The following KCNH1 variants were observed in gnomAD, a reference collection of about 807,000 sequenced individuals.
The protein encoded by KCNH1 is voltage-gated delayed rectifier potassium channel KCNH1.
In KCNH1, 27 loss-of-function variants were observed where a neutral mutation model predicts 69.2. The ratio of observed to expected loss-of-function variants is 0.39; its 90% CI spans 0.29 to 0.54. KCNH1 has a LOEUF of 0.54. Among genes scored for constraint, KCNH1 ranks in the 20% least tolerant of loss-of-function variants. The pLI is 0.68. For synonymous variants in KCNH1, 456 were observed against 487.7 expected, an observed-to-expected ratio of 0.93 and a Z score of 0.86; for missense variants, 798 against 1,261.6, an observed-to-expected ratio of 0.63 and a Z score of 5.57.
intron 1 of KCNH1, among the ~76,000 whole-genome samples, chr1:211,130,422 C>T (rs1047149333): frequency 1.3e-5 from 2 of 152,066 alleles, no homozygotes; most frequent in South Asian, 2.1e-4. Context: ...CAGTCGCAGC[C>T]GGTCAACACT....
chr1:210,800,482 G>T (rs972818439), intron 8 of KCNH1, among the ~76,000 whole-genome samples: 1 of 152,166 alleles, frequency 6.6e-6, no homozygotes, highest in African/African-American at 2.4e-5. Flanking sequence ...TGAGGCCTTG[G>T]CATGGAGACA....
chr1:210,778,521 ACT>A (rs1234173944), intron 9 of KCNH1, among the ~76,000 whole-genome samples: 2 of 117,330 alleles, frequency 1.7e-5, no homozygotes, highest in Non-Finnish European at 3.6e-5. Flanking sequence ...ACAGAGCAAG[ACT>A]CTGTCTCAAA....
In KCNH1 at chr1:211,107,159, G is replaced by T. The variant is rs900024266; in HGVS notation, c.203+95C>A. 26 of 1,364,160 alleles carry T rather than the reference G, an allele frequency of 1.9e-5. 1 individual carries two copies. The Admixed American group carries it at 2.7e-4, about 14-fold the overall frequency. The allele number at this position is 1,364,160 out of a possible 1,614,324, so 84.5% of individuals were successfully genotyped here. Reference sequence around the variant, plus strand: ...ATTTTCCTGTGAATACACACTAAATGAGGTAAAGGCAATTCCCGAATGCAG... The same window carrying T: ...ATTTTCCTGTGAATACACACTAAATTAGGTAAAGGCAATTCCCGAATGCAG... On this transcript the variant is annotated intron_variant, in intron 2 of 10. Coordinates refer to ENST00000271751, the MANE Select transcript of KCNH1 (RefSeq NM_172362.3).
At chr1:210,798,573 A>G (rs1174738066) in intron 8 of KCNH1, among the ~76,000 whole-genome samples, 1 of 152,188 alleles carries the variant, frequency 6.6e-6, no homozygotes, top group Non-Finnish European at 1.5e-5. Flanking sequence ...ATACTGGAGG[A>G]TTTTTGAGCA....
chr1:210,999,932 G>C (rs956004631), intron 6 of KCNH1, among the ~76,000 whole-genome samples: 5 of 152,148 alleles, frequency 3.3e-5, no homozygotes, highest in Non-Finnish European at 7.3e-5. Context: ...TATCTCAATA[G>C]ATGCAGAAAA....
At position 210,759,156 on chromosome 1, in the gene KCNH1, G is replaced by GACACACACACACACACAC. The variant is rs60773247; in HGVS notation, c.2112+16174_2112+16191dup. ...CCTATCCAAACCTATCCAAATGATA[G>GACACACACACACACACAC]ACACACACACACACACACACATATT... On this transcript the variant is annotated intron_variant, in intron 10 of 10. Coordinates refer to ENST00000271751, the MANE Select transcript of KCNH1 (RefSeq NM_172362.3). 4.0e-3 allele frequency among the ~76,000 whole-genome samples: 591 copies of GACACACACACACACACAC among 148,578 alleles called. 6 individuals carry two copies. The highest frequency in any genetic ancestry group is 0.014 in the Middle Eastern group (4 of 294).
At chr1:210,978,476 G>A (rs953461421) in intron 6 of KCNH1, among the ~76,000 whole-genome samples, 19 of 152,102 alleles carry the variant, frequency 1.2e-4, no homozygotes, top group Non-Finnish European at 2.2e-4. Context: ...TTTCCTCTGA[G>A]TGTGAGTCAC....
intron 7 of KCNH1, among the ~76,000 whole-genome samples, chr1:210,846,338 G>T (rs1265330777): frequency 2.0e-5 from 3 of 152,104 alleles, no homozygotes; most frequent in Admixed American, 6.5e-5. Context: ...TATACTACAA[G>T]GCTACAGTAA....
intron 1 of KCNH1, among the ~76,000 whole-genome samples, chr1:211,118,594 T>C (rs1317292876): frequency 1.2e-4 from 18 of 152,224 alleles, no homozygotes; most frequent in Admixed American, 1.0e-3. Flanking sequence ...CTCTGGTTCA[T>C]AGCATAAAAC....
At chr1:211,105,018 C>T (rs953268384) in intron 2 of KCNH1, among the ~76,000 whole-genome samples, 3 of 152,260 alleles carry the variant, frequency 2.0e-5, no homozygotes, top group Middle Eastern at 3.4e-3. Context: ...GAAGAGAGTC[C>T]TAGCTGTTGA....
intron 10 of KCNH1, among the ~76,000 whole-genome samples, chr1:210,735,715 T>C (rs748386932): frequency 7.2e-5 from 11 of 151,746 alleles, no homozygotes; most frequent in Non-Finnish European, 1.6e-4. Flanking sequence ...TACCATTCTT[T>C]CCCCACAGTT....
chr1:210,744,802 C>G (rs562229394), intron 10 of KCNH1, among the ~76,000 whole-genome samples: 1 of 152,244 alleles, frequency 6.6e-6, no homozygotes, highest in South Asian at 2.1e-4. Flanking sequence ...GCCAAAGATC[C>G]ATGGGACCCA....
chr1:211,024,053 C>T (rs1689637283), intron 5 of KCNH1, among the ~76,000 whole-genome samples: 1 of 152,112 alleles, frequency 6.6e-6, no homozygotes, highest in African/African-American at 2.4e-5. Flanking sequence ...ATGTGTACTC[C>T]ATAAACATAT....
At chr1:210,866,430 A>G (rs1304978278) in intron 7 of KCNH1, among the ~76,000 whole-genome samples, 1 of 152,216 alleles carries the variant, frequency 6.6e-6, no homozygotes, top group African/African-American at 2.4e-5. Context: ...GTGAAAAAAT[A>G]ACCCAATTAA....
At chr1:211,068,504 T>C (rs1314198561) in intron 5 of KCNH1, among the ~76,000 whole-genome samples, 3 of 152,176 alleles carry the variant, frequency 2.0e-5, no homozygotes, top group Non-Finnish European at 4.4e-5. Flanking sequence ...CTAGTGATTC[T>C]TCTGCCTCAG....
At chr1:210,724,407 C>A (rs10863852) in intron 10 of KCNH1, among the ~76,000 whole-genome samples, 32,636 of 151,848 alleles carry the variant, frequency 0.21, 4,367 homozygotes, top group African/African-American at 0.38. Context: ...TAAGCAGTAG[C>A]GTTAGATTCC....
intron 10 of KCNH1, among the ~76,000 whole-genome samples, chr1:210,746,854 C>T (rs1683173401): frequency 6.6e-6 from 1 of 152,240 alleles, no homozygotes; most frequent in South Asian, 2.1e-4. Flanking sequence ...GCTATTACAA[C>T]CTTTTCTTAA....
At chr1:210,961,000 A>C (rs962476293) in intron 6 of KCNH1, among the ~76,000 whole-genome samples, 22 of 152,072 alleles carry the variant, frequency 1.4e-4, no homozygotes, top group African/African-American at 5.3e-4. Flanking sequence ...ATTGATGCTG[A>C]GCTTTTTTCT....
chr1:211,014,728 G>A (rs780289270), intron 6 of KCNH1, among the ~76,000 whole-genome samples: 10 of 152,106 alleles, frequency 6.6e-5, no homozygotes, highest in Non-Finnish European at 1.5e-4. Flanking sequence ...ATAATTTTGA[G>A]AACACCAAAG....
Sources: gnomAD v4.1 joint callset for allele counts (sites outside exome capture counted in the v4.1 genomes callset) on GRCh38, gnomAD v4.1.1 for gene constraint, MANE v1.5 for transcripts, NCBI Gene and HGNC (gene_info 2026-07-23, HGNC 2026-07-21) for gene names.